SLC38A12: variants seen among roughly 807,000 people sequenced by gnomAD.
SLC38A12 encodes solute carrier family 38 member 12.
the SLC38A12 span, among the ~76,000 whole-genome samples, chr17:74,808,727 G>A: frequency 6.6e-6 from 1 of 152,208 alleles, no homozygotes; most frequent in Non-Finnish European, 1.5e-5. Context: ...CTAGAAGCTT[G>A]GAGACAACAG....
chr17:74,782,281 T>C, the SLC38A12 span, among the ~76,000 whole-genome samples: 1 of 152,180 alleles, frequency 6.6e-6, no homozygotes, highest in Non-Finnish European at 1.5e-5. Context: ...TTGCCCAGGC[T>C]AGTCTCGAAC....
At chr17:74,791,324 G>A in the SLC38A12 span, among the ~76,000 whole-genome samples, 10 of 148,764 alleles carry the variant, frequency 6.7e-5, no homozygotes, top group Non-Finnish European at 9.0e-5. Context: ...ACTCCAGTGA[G>A]GGTCAGGAAC....
the SLC38A12 span, among the ~76,000 whole-genome samples, chr17:74,808,175 A>G: frequency 9.9e-5 from 15 of 152,264 alleles, no homozygotes; most frequent in African/African-American, 3.6e-4. Context: ...GGCCAGGCCA[A>G]GGCCACTGGG....
At chr17:74,814,730 C>T in the SLC38A12 span, among the ~76,000 whole-genome samples, 1 of 152,162 alleles carries the variant, frequency 6.6e-6, no homozygotes, top group African/African-American at 2.4e-5. Context: ...CAGGCACTCC[C>T]CCCACCAAAT....
chr17:74,779,108 T>A, the SLC38A12 span, among the ~76,000 whole-genome samples: 3 of 152,236 alleles, frequency 2.0e-5, no homozygotes, highest in Admixed American at 1.3e-4. Context: ...TCACCACGGC[T>A]CCTGCTTTTT....
chr17:74,805,572 C>T, the SLC38A12 span, among the ~76,000 whole-genome samples: 7 of 152,314 alleles, frequency 4.6e-5, no homozygotes, highest in African/African-American at 1.7e-4. This position sits in a 1 kb window ranked among gnomAD's most constrained non-coding sequence, Gnocchi z 5.0. Context: ...TTCAAGAGAG[C>T]TCATTAATCA....
At chr17:74,785,429 A>T in the SLC38A12 span, 1 of 1,589,266 alleles carries the variant, frequency 6.3e-7, no homozygotes, top group Non-Finnish European at 8.6e-7. Context: ...GGAGCTGTTA[A>T]GGGGAGAAGT....
the SLC38A12 span, among the ~76,000 whole-genome samples, chr17:74,800,471 A>G: frequency 6.6e-6 from 1 of 152,224 alleles, no homozygotes; most frequent in African/African-American, 2.4e-5. Flanking sequence ...CTGTTCTTCT[A>G]GCGTCAGCCA....
the SLC38A12 span, among the ~76,000 whole-genome samples, chr17:74,798,820 C>G: frequency 7.2e-6 from 1 of 138,694 alleles, no homozygotes; most frequent in Non-Finnish European, 1.5e-5. Flanking sequence ...AAACGGGTAA[C>G]CTTGCCTCCA....
At chr17:74,816,718 G>T in the SLC38A12 span, among the ~76,000 whole-genome samples, 2 of 151,762 alleles carry the variant, frequency 1.3e-5, no homozygotes, top group Non-Finnish European at 2.9e-5. Flanking sequence ...TGGCTGCAGC[G>T]ACTCGTGTCT....
the SLC38A12 span, chr17:74,836,168 C>T: frequency 1.4e-5 from 23 of 1,613,362 alleles, no homozygotes; most frequent in African/African-American, 8.0e-5. This position sits in a 1 kb window ranked among gnomAD's most constrained non-coding sequence, Gnocchi z 4.2. Context: ...TCTCCTTCAC[C>T]GCCATCTTCT....
the SLC38A12 span, among the ~76,000 whole-genome samples, chr17:74,793,983 G>A: frequency 6.6e-6 from 1 of 152,220 alleles, no homozygotes; most frequent in East Asian, 1.9e-4. Flanking sequence ...GATTAAAAGG[G>A]AACTGTCACT....
chr17:74,811,767 C>T, the SLC38A12 span, among the ~76,000 whole-genome samples: 2 of 151,530 alleles, frequency 1.3e-5, no homozygotes, highest in Non-Finnish European at 2.9e-5. Context: ...CATGGTGGCT[C>T]ACGCCTGTAA....
the SLC38A12 span, among the ~76,000 whole-genome samples, chr17:74,830,662 C>G: frequency 3.9e-5 from 6 of 152,222 alleles, no homozygotes; most frequent in African/African-American, 7.2e-5. Flanking sequence ...CTCCTGGCAG[C>G]TCAGTCCTTG....
At chr17:74,807,195 CAG>C in the SLC38A12 span, among the ~76,000 whole-genome samples, 5 of 144,668 alleles carry the variant, frequency 3.5e-5, no homozygotes, top group African/African-American at 1.3e-4. Flanking sequence ...GCTTTGGAGT[CAG>C]AGGAGCGTTC....
At chr17:74,836,636 C>T in the SLC38A12 span, 2 of 1,612,472 alleles carry the variant, frequency 1.2e-6, no homozygotes, top group Non-Finnish European at 1.7e-6. The surrounding 1 kb of genome is among the most constrained non-coding windows in gnomAD (Gnocchi z 4.2). Context: ...GGGCTTTCTC[C>T]TGCTTCATTT....
the SLC38A12 span, among the ~76,000 whole-genome samples, chr17:74,811,429 GGGCCAGGCT>G: frequency 5.3e-5 from 8 of 152,064 alleles, no homozygotes; most frequent in African/African-American, 1.7e-4. Flanking sequence ...ATAGTACTGG[GGGCCAGGCT>G]GGCCAGGCAT....
At chr17:74,784,978 A>C in the SLC38A12 span, among the ~76,000 whole-genome samples, 1 of 152,082 alleles carries the variant, frequency 6.6e-6, no homozygotes, top group African/African-American at 2.4e-5. Flanking sequence ...AAAACCCTGA[A>C]GTTGGTATGG....
At chr17:74,813,794 C>A in the SLC38A12 span, among the ~76,000 whole-genome samples, 1 of 152,200 alleles carries the variant, frequency 6.6e-6, no homozygotes, top group African/African-American at 2.4e-5. Flanking sequence ...AGCCACCATG[C>A]CTGGCCTCCT....
Sources: gnomAD v4.1 joint callset for allele counts (sites outside exome capture counted in the v4.1 genomes callset) on GRCh38, gnomAD v4.1.1 for gene constraint, Gnocchi (gnomAD v3.1) non-coding constraint, MANE v1.5 for transcripts, NCBI Gene and HGNC (gene_info 2026-07-23, HGNC 2026-07-21) for gene names.